TMEM108: variants seen among roughly 807,000 people sequenced by gnomAD.
TMEM108 encodes cancer/testis antigen 124.
Under a neutral mutation model 35.1 loss-of-function variants are expected in TMEM108, and 12 were observed. The observed-to-expected ratio is 0.34, with a 90% CI of 0.22 to 0.55. The LOEUF (loss-of-function observed/expected upper bound fraction) is 0.55. Ranked by LOEUF, TMEM108 falls within the 20% of genes least tolerant of loss-of-function variation. The pLI is 0.89. For synonymous variants in TMEM108, 287 were observed against 308.6 expected, an observed-to-expected ratio of 0.93 and a Z score of 0.73; for missense variants, 680 against 753.3, an observed-to-expected ratio of 0.90 and a Z score of 1.14.
chr3:133,370,921 T>TGC lies in TMEM108; in HGVS notation c.41-8830_41-8829dup, dbSNP rs1553770123. Among the ~76,000 whole-genome samples, 623 of 139,400 alleles carry TGC rather than the reference T, an allele frequency of 4.5e-3. 9 individuals carry two copies. The highest frequency in any genetic ancestry group is 0.015 in the African/African-American group (562 of 38,042). The allele number at this position is 139,400 out of a possible 152,430, so 91.5% of individuals were successfully genotyped here. A position where few individuals can be genotyped will look rare whatever the true frequency, so the allele number is the denominator to read the frequency against. ...GTGTGTGTGTGTGTGTGTGTGTGTG[T>TGC]GCCAGGAAGCTTCATGGCCCTCCTA... On this transcript the variant is annotated intron_variant, in intron 3 of 5. Transcript: ENST00000321871.
chr3:133,264,624 A>T (rs550147344), intron 3 of TMEM108, among the ~76,000 whole-genome samples: 7 of 152,318 alleles, frequency 4.6e-5, no homozygotes, highest in Non-Finnish European at 1.0e-4. Flanking sequence ...CACAAAAAAA[A>T]GTAGTGATAG....
Position 133,380,286 on chromosome 3 carries a change from G to A in TMEM108, c.575G>A (p.Arg192Lys). ...CCGCCTGCACCTGGTGGCCACTCCA[G>A]GAGTAAAGAAGGACAGCGAGGACGA... ...PVPPAPGGHS[R>K]SKEGQRGRNP... The change falls in exon 4 of 6, where the codon AGG (arginine) becomes AAG (lysine). Residue 192 changes from arginine to lysine, a missense_variant. By Grantham distance (26) the Arg-to-Lys change is conservative. Around this residue, in one of 3 missense-constraint regions of TMEM108, gnomAD observed 526 missense variants for 532.1 expected, o/e 0.99. Transcript: ENST00000321871. This position sits in a 1 kb window ranked among gnomAD's most constrained non-coding sequence, Gnocchi z 5.3. 1 of 1,614,110 alleles carries A rather than the reference G, an allele frequency of 6.2e-7. No individual in the cohort carries two copies. The highest frequency in any genetic ancestry group is 8.5e-7 in the Non-Finnish European group (1 of 1,180,002).
intron 2 of TMEM108, among the ~76,000 whole-genome samples, chr3:133,186,752 A>T (rs902428956): frequency 1.3e-5 from 2 of 152,230 alleles, no homozygotes; most frequent in Non-Finnish European, 2.9e-5. Context: ...CTTTAAGAAT[A>T]ATTTTGCTGG....
At chr3:133,048,058 G>A (rs1943360893) in intron 2 of TMEM108, among the ~76,000 whole-genome samples, 1 of 152,088 alleles carries the variant, frequency 6.6e-6, no homozygotes, top group African/African-American at 2.4e-5. Flanking sequence ...GGTTCATTGT[G>A]ATAATATATT....
At chr3:133,183,620 T>G (rs2107806349) in intron 2 of TMEM108, among the ~76,000 whole-genome samples, 1 of 152,096 alleles carries the variant, frequency 6.6e-6, no homozygotes, top group South Asian at 2.1e-4. Context: ...ATCTCCAGAG[T>G]TCTCTGTGAG....
intron 3 of TMEM108, among the ~76,000 whole-genome samples, chr3:133,377,331 A>T (rs1206640175): frequency 6.6e-6 from 1 of 152,198 alleles, no homozygotes; most frequent in Non-Finnish European, 1.5e-5. Flanking sequence ...TAGCCCTAGG[A>T]ATAGATTGTC....
rs185668680 is a variant in TMEM108, at chr3:133,315,284, C to T, written c.41-64468C>T. ...ATCACATAGCAATTGATAGGTGACC[C>T]GCAATAAAGAGAAGCCGCTCAGAGC... On this transcript the variant is annotated intron_variant, in intron 3 of 5. Coordinates refer to ENST00000321871, the MANE Select transcript of TMEM108 (RefSeq NM_023943.4). Among the ~76,000 whole-genome samples the T allele has an allele frequency of 6.6e-5, 10 of 152,264 alleles. No individual in the cohort carries two copies. The East Asian group carries it at 1.7e-3, about 26-fold the overall frequency.
chr3:133,351,387 C>G (rs2071992701), intron 3 of TMEM108, among the ~76,000 whole-genome samples: 1 of 152,162 alleles, frequency 6.6e-6, no homozygotes, highest in African/African-American at 2.4e-5. Flanking sequence ...GCTCCTTCCT[C>G]TCCCTGCAAC....
chr3:133,276,727 C>T (rs1946843661), intron 3 of TMEM108, among the ~76,000 whole-genome samples: 1 of 152,084 alleles, frequency 6.6e-6, no homozygotes, highest in Non-Finnish European at 1.5e-5. Context: ...CTAAATGCCT[C>T]AGAAATTAAG....
intron 5 of TMEM108, among the ~76,000 whole-genome samples, chr3:133,394,518 A>G (rs954719745): frequency 6.6e-6 from 1 of 151,004 alleles, no homozygotes; most frequent in Non-Finnish European, 1.5e-5. Flanking sequence ...TTCCTGAATA[A>G]CTCTCTCTTT....
chr3:133,180,428 T>C (rs1463720351), intron 2 of TMEM108, among the ~76,000 whole-genome samples: 1 of 152,154 alleles, frequency 6.6e-6, no homozygotes, highest in Non-Finnish European at 1.5e-5. Context: ...AACAATGTTT[T>C]TACAAATCAA....
chr3:133,296,011 T>G (rs1947140154), intron 3 of TMEM108, among the ~76,000 whole-genome samples: 1 of 152,186 alleles, frequency 6.6e-6, no homozygotes, highest in Admixed American at 6.5e-5. Context: ...TGAGAAGGGC[T>G]CTTGTCCAAA....
At chr3:133,314,554 A>C (rs896158050) in intron 3 of TMEM108, among the ~76,000 whole-genome samples, 4 of 152,214 alleles carry the variant, frequency 2.6e-5, no homozygotes, top group African/African-American at 9.7e-5. Flanking sequence ...TCTCCAAGTC[A>C]CTTTTGCCTC....
At chr3:133,250,214 T>C (rs926906862) in intron 3 of TMEM108, among the ~76,000 whole-genome samples, 1 of 152,166 alleles carries the variant, frequency 6.6e-6, no homozygotes, top group Non-Finnish European at 1.5e-5. Flanking sequence ...TCCACTTCTA[T>C]GTGAATTTTC....
intron 3 of TMEM108, among the ~76,000 whole-genome samples, chr3:133,378,735 CAT>C (rs970169039): frequency 6.6e-6 from 1 of 150,570 alleles, no homozygotes; most frequent in African/African-American, 2.4e-5. Flanking sequence ...TGTTTTTAAA[CAT>C]ATACGTTTTT....
chr3:133,096,488 TGA>T (rs1196466698), intron 2 of TMEM108, among the ~76,000 whole-genome samples: 3 of 152,162 alleles, frequency 2.0e-5, no homozygotes, highest in Non-Finnish European at 4.4e-5. Flanking sequence ...GACATGGAGA[TGA>T]GAGAGACTCA....
chr3:133,124,763 G>C (rs1944394122), intron 2 of TMEM108: 1 of 152,446 alleles, frequency 6.6e-6, no homozygotes, highest in Non-Finnish European at 1.5e-5. Context: ...AGGGGAGTGA[G>C]ATGGTGGTGT....
At chr3:133,339,192 A>T (rs557794366) in intron 3 of TMEM108, among the ~76,000 whole-genome samples, 1 of 151,846 alleles carries the variant, frequency 6.6e-6, no homozygotes, top group South Asian at 2.1e-4. Context: ...AAAAACCAAG[A>T]CCTAATTATC....
chr3:133,051,898 C>T (rs1943410641), intron 2 of TMEM108, among the ~76,000 whole-genome samples: 1 of 152,098 alleles, frequency 6.6e-6, no homozygotes, highest in Admixed American at 6.6e-5. Flanking sequence ...TTGATTATGG[C>T]ACTTTATAGT....
Sources: gnomAD v4.1 joint callset for allele counts (sites outside exome capture counted in the v4.1 genomes callset) on GRCh38, gnomAD v4.1.1 for gene constraint, gnomAD v4.1.1 regional missense constraint, Gnocchi (gnomAD v3.1) non-coding constraint, MANE v1.5 for transcripts, NCBI Gene and HGNC (gene_info 2026-07-23, HGNC 2026-07-21) for gene names.